The following ZNF417 variants were observed in gnomAD, a reference collection of about 807,000 sequenced individuals.
ZNF417 encodes the protein zinc finger protein 417.
A neutral mutation model predicts 7.4 loss-of-function variants in ZNF417; 5 were observed. The observed-to-expected ratio is 0.68, with a 90% CI of 0.35 to 1.43. The LOEUF is 1.43. ZNF417 is among the 40% of genes most tolerant of loss of function. The pLI, the probability that ZNF417 is intolerant of heterozygous loss-of-function variation, is 0.04. For synonymous variants in ZNF417, 147 were observed against 239.1 expected, an observed-to-expected ratio of 0.61 and a Z score of 3.55; for missense variants, 437 against 697.3, an observed-to-expected ratio of 0.63 and a Z score of 4.20.
intron 2 of ZNF417, among the ~76,000 whole-genome samples, chr19:57,911,272 C>A (rs1444345157): frequency 2.6e-5 from 4 of 152,162 alleles, no homozygotes; most frequent in Admixed American, 6.5e-5. Context: ...AGAACTAACA[C>A]GTGTGAAACT....
rs769636267 is a variant in ZNF417 at position 57,909,135 on chromosome 19, C to A, written c.1143G>T (p.Lys381Asn). 3.1e-6 allele frequency: 5 copies of A among 1,614,046 alleles called. No individual in the cohort carries two copies. In the South Asian group the frequency reaches 5.5e-5, roughly 18 times the overall value. Residue 381 changes from lysine (K) to asparagine (N), a missense_variant, in exon 3 of 3, where the codon AAG (lysine) becomes AAT (asparagine). Lys to Asn is a moderately conservative substitution (Grantham distance 94). Transcript: ENST00000312026. ...CAAAAGATTTTCCACATTCTCCACA[C>A]TTGTAAGGCCTTTCTCCAGTGTGAA... ...QRVHTGERPYKCGECGKSFGQ... is the reference protein window; with the variant it reads ...QRVHTGERPYNCGECGKSFGQ...
rs1432768865 is a variant in ZNF417, at chr19:57,906,337, G to A, written c.*2213C>T. 6.6e-6 allele frequency among the ~76,000 whole-genome samples: 1 copy of A among 152,090 alleles called. No homozygotes were observed. The highest frequency in any genetic ancestry group is 1.5e-5 in the Non-Finnish European group (1 of 68,028). On this transcript the variant is annotated 3_prime_UTR_variant, in exon 3 of 3. Coordinates refer to ENST00000312026, the MANE Select transcript of ZNF417 (RefSeq NM_152475.3). Reference sequence around the variant, plus strand: ...CCTGTATGTGCTTATATAACATGCTGTAATACAAGGTGACATTTAGGGGCT... The same window carrying A: ...CCTGTATGTGCTTATATAACATGCTATAATACAAGGTGACATTTAGGGGCT...
In ZNF417 at chr19:57,906,491, C is replaced by T. The variant is rs759007883; in HGVS notation, c.*2059G>A. Among the ~76,000 whole-genome samples, 21 of 151,796 alleles carry T rather than the reference C, an allele frequency of 1.4e-4. No individual in the cohort carries two copies. The highest frequency in any genetic ancestry group is 1.9e-4 in the East Asian group (1 of 5,130). ...GGATTTCTAGGGATAAGCCGAGTGC[C>T]GTGGCAGATGCCTGTAATCCCAGCA... On this transcript the variant is annotated 3_prime_UTR_variant, in exon 3 of 3. Transcript: ENST00000312026.
intron 1 of ZNF417, among the ~76,000 whole-genome samples, chr19:57,912,872 C>T (rs2122535198): frequency 6.6e-6 from 1 of 152,104 alleles, no homozygotes; most frequent in Admixed American, 6.6e-5. Context: ...GCCTTGGCCT[C>T]CAAAAGTGAG....
Position 57,909,382 on chromosome 19 carries a change from T to A in ZNF417, c.896A>T (p.Glu299Val). ...CTGACTAAAAGATTTCCCGCACTCCTCACAGGGATAAGCTGTCTTTCCAGT... is the reference window on the plus strand; with the variant it reads ...CTGACTAAAAGATTTCCCGCACTCCACACAGGGATAAGCTGTCTTTCCAGT... ...VHTGKTAYPC[E>V]ECGKSFSQKG... Residue 299 changes from glutamate to valine, a missense_variant, in exon 3 of 3, where the codon GAG becomes GTG. Transcript: ENST00000312026. 6.2e-7 allele frequency: 1 copy of A among 1,614,200 alleles called. No individual in the cohort carries two copies. Among genetic ancestry groups the A allele is most frequent in the South Asian group, 1.1e-5 (1 of 91,086 alleles).
rs989020785 is a variant in ZNF417, at chr19:57,907,935, TC to T, written c.*614del. 2.6e-5 allele frequency: 4 copies of T among 154,554 alleles called. No individual in the cohort carries two copies. Among genetic ancestry groups the T allele is most frequent in the Non-Finnish European group, 5.8e-5 (4 of 69,560 alleles). 9.6% of individuals were successfully genotyped at this position (154,554 alleles called of 1,614,324 possible). ...ACAAAAGCCTCAGAACACATAAATC[TC>T]AACGGGTACTGAGTAGAGGACTCGG... On this transcript the variant is annotated 3_prime_UTR_variant, in exon 3 of 3. Transcript: ENST00000312026.
In ZNF417 at chr19:57,909,066, T is replaced by C. The variant is rs774063993; in HGVS notation, c.1212A>G (p.Gly404=). 2 of 1,614,196 alleles carry C rather than the reference T, an allele frequency of 1.2e-6. No homozygotes were observed. The highest frequency in any genetic ancestry group is 1.7e-6 in the Non-Finnish European group (2 of 1,180,044). The part of the protein sequence containing the change: ...NLVQHQRGHT[G]ERPYECKECG... ...ATTCCTTGCACTCATAGGGCCTTTCTCCAGTATGACCTCGCTGATGTTGAA... is the reference window on the plus strand; with the variant it reads ...ATTCCTTGCACTCATAGGGCCTTTCCCCAGTATGACCTCGCTGATGTTGAA... The change falls in exon 3 of 3, where the codon GGA becomes GGG. Residue 404 remains glycine, a synonymous_variant. Transcript: ENST00000312026.
Position 57,916,506 on chromosome 19 carries a change from T to G in ZNF417, c.-95A>C. On this transcript the variant is annotated 5_prime_UTR_variant, in exon 1 of 3. Coordinates refer to ENST00000312026, the MANE Select transcript of ZNF417 (RefSeq NM_152475.3). ...CACCGAGGACGATTCCTCTCCACCT[T>G]CTAGGTTCAGTCACCGCGGTCCCCC... The G allele has an allele frequency of 1.9e-6, 3 of 1,601,886 alleles. No individual in the cohort carries two copies. The highest frequency in any genetic ancestry group is 2.6e-6 in the Non-Finnish European group (3 of 1,174,402).
rs758179522 is a variant in ZNF417 at position 57,909,323 on chromosome 19, T to C, written c.955A>G (p.Thr319Ala). 4 of 1,614,108 alleles carry C rather than the reference T, an allele frequency of 2.5e-6. No homozygotes were observed. Among genetic ancestry groups the C allele is most frequent in the East Asian group, 2.2e-5 (1 of 44,890 alleles). ...GSLISHQRVHTGERPYECREY... is the reference protein window; with the variant it reads ...GSLISHQRVHAGERPYECREY... ...CTACACTCATAAGGCCTTTCTCCAGTGTGAACACGCTGATGGCTAATAAGG... is the reference window on the plus strand; with the variant it reads ...CTACACTCATAAGGCCTTTCTCCAGCGTGAACACGCTGATGGCTAATAAGG... Residue 319 changes from threonine to alanine, a missense_variant, in exon 3 of 3, where the codon ACT becomes GCT. Around this residue, in one of 5 missense-constraint regions of ZNF417, gnomAD observed 53 missense variants for 91.9 expected, o/e 0.58. Coordinates refer to ENST00000312026, the MANE Select transcript of ZNF417 (RefSeq NM_152475.3).
rs1206699672 is a variant in ZNF417, at chr19:57,907,271, T to A, written c.*1279A>T. On this transcript the variant is annotated 3_prime_UTR_variant, in exon 3 of 3. Transcript: ENST00000312026. The stretch of plus-strand genomic sequence containing the variant: ...TTTTAACTCTTGTATCCATGAAGCA[T>A]CTTAGTAAAATAACAGATATTCCAT... 6.6e-6 allele frequency: 1 copy of A among 152,348 alleles called. No individual in the cohort carries two copies. Among genetic ancestry groups the A allele is most frequent in the South Asian group, 2.1e-4 (1 of 4,836 alleles). The allele number at this position is 152,348 out of a possible 1,614,324, so 9.4% of individuals were successfully genotyped here. A position where few individuals can be genotyped will look rare whatever the true frequency, so the allele number is the denominator to read the frequency against.
At position 57,912,208 on chromosome 19, in the gene ZNF417, A is replaced by G; in HGVS notation, c.34-19T>C. On this transcript the variant is annotated intron_variant, in intron 1 of 2. Transcript: ENST00000312026. ...TGCCCTGCTATGATAGTGACAGATG[A>G]AACCACAAACAGCCCCTCTGCTGAG... 1 of 1,612,134 alleles carries G rather than the reference A, an allele frequency of 6.2e-7. No homozygotes were observed. Among genetic ancestry groups the G allele is most frequent in the Non-Finnish European group, 8.5e-7 (1 of 1,179,404 alleles).
rs1304521376 is a variant in ZNF417 at position 57,916,389 on chromosome 19, C to T, written c.23G>A (p.Arg8His). 5.0e-6 allele frequency: 8 copies of T among 1,614,050 alleles called. No individual in the cohort carries two copies. Among genetic ancestry groups the T allele is most frequent in the Admixed American group, 3.3e-5 (2 of 60,016 alleles). ...AGGCGCCACAATTACCTGAGTCGGG[C>T]GCCTCGGCGCAGCCGCTGCCATCGG... MAAAAPR[R>H]PTQQGTVTFE... The change falls in exon 1 of 3, where the codon CGC becomes CAC. Residue 8 changes from arginine (R) to histidine (H), a missense_variant. By Grantham distance (29) the Arg-to-His change is conservative. Around this residue, in one of 5 missense-constraint regions of ZNF417, gnomAD observed 57 missense variants for 70.7 expected, o/e 0.81. Transcript: ENST00000312026.
In ZNF417 at chr19:57,916,370, C is replaced by T. The variant is rs774252982; in HGVS notation, c.33+9G>A. The T allele has an allele frequency of 9.3e-6, 15 of 1,614,200 alleles. No individual in the cohort carries two copies. In the Admixed American group the frequency reaches 2.2e-4, roughly 23 times the overall value. The stretch of plus-strand genomic sequence containing the variant: ...GGTGACCTGAGGGCACAGAAGGCGC[C>T]ACAATTACCTGAGTCGGGCGCCTCG... On this transcript the variant is annotated intron_variant, in intron 1 of 2. Coordinates refer to ENST00000312026, the MANE Select transcript of ZNF417 (RefSeq NM_152475.3).
rs1568528933 is a variant in ZNF417, at chr19:57,909,642, G to A, written c.636C>T (p.Tyr212=). 2 of 1,594,290 alleles carry A rather than the reference G, an allele frequency of 1.3e-6. No individual in the cohort carries two copies. Among genetic ancestry groups the A allele is most frequent in the East Asian group, 2.3e-5 (1 of 44,006 alleles). The part of the protein sequence containing the change: ...GPPFQEGKTN[Y]SCGKRTKAFS... Reference sequence around the variant, plus strand: ...AGGCTTTTGTGCGTTTTCCACAACTGTAATTAGTTTTTCCCTCCTGAAAGG... The same window carrying A: ...AGGCTTTTGTGCGTTTTCCACAACTATAATTAGTTTTTCCCTCCTGAAAGG... The change falls in exon 3 of 3, where the codon TAC becomes TAT. Residue 212 remains tyrosine (Y), a synonymous_variant. Transcript: ENST00000312026.
chr19:57,915,058 A>G (rs1429013745), intron 1 of ZNF417, among the ~76,000 whole-genome samples: 2 of 152,102 alleles, frequency 1.3e-5, no homozygotes. Context: ...CATTACAAAC[A>G]TGTCACGGGA....
At position 57,908,563 on chromosome 19, in the gene ZNF417, C is replaced by T. The variant is rs201682579; in HGVS notation, c.1715G>A (p.Arg572Lys). Residue 572 changes from arginine (R) to lysine (K), a missense_variant, in exon 3 of 3, where the codon AGA becomes AAA. Arg to Lys is a conservative substitution (Grantham distance 26). Coordinates refer to ENST00000312026, the MANE Select transcript of ZNF417 (RefSeq NM_152475.3). ...TLLHHQSSHR[R>K]KAL Reference sequence around the variant, plus strand: ...TATTCACTGCACTCATAAGGCCTTTCTCCTGTGTGAACTCTGATGATGAAG... The same window carrying T: ...TATTCACTGCACTCATAAGGCCTTTTTCCTGTGTGAACTCTGATGATGAAG... 7.4e-6 allele frequency: 12 copies of T among 1,614,156 alleles called. No individual in the cohort carries two copies. In the East Asian group the frequency reaches 1.1e-4, roughly 15 times the overall value.
chr19:57,905,853 T>A lies in ZNF417; in HGVS notation c.*2697A>T, dbSNP rs866797403. ...TAAGTTGCATACAAGCAGGAAGATTTAACTTCATAAGAGAATTAACAAAAG... is the reference window on the plus strand; with the variant it reads ...TAAGTTGCATACAAGCAGGAAGATTAAACTTCATAAGAGAATTAACAAAAG... On this transcript the variant is annotated 3_prime_UTR_variant, in exon 3 of 3. Coordinates refer to ENST00000312026, the MANE Select transcript of ZNF417 (RefSeq NM_152475.3). 2.1e-4 allele frequency among the ~76,000 whole-genome samples: 32 copies of A among 152,350 alleles called. No homozygotes were observed. The highest frequency in any genetic ancestry group is 6.7e-4 in the African/African-American group (28 of 41,586).
At chr19:57,914,519 G>GAAAACCT (rs1244752049) in intron 1 of ZNF417, among the ~76,000 whole-genome samples, 1 of 99,394 alleles carries the variant, frequency 1.0e-5, no homozygotes, top group African/African-American at 3.6e-5. Context: ...AAGACAGAAA[G>GAAAACCT]AAAACCTAGC....
chr19:57,908,411 A>G lies in ZNF417; in HGVS notation c.*139T>C. Reference sequence around the variant, plus strand: ...AGAATGAGACTCCGTTCCAATGCGAAGTCTCTTAAGACCAAGGAGAGCAGA... The same window carrying G: ...AGAATGAGACTCCGTTCCAATGCGAGGTCTCTTAAGACCAAGGAGAGCAGA... On this transcript the variant is annotated 3_prime_UTR_variant, in exon 3 of 3. Transcript: ENST00000312026. 3.4e-6 allele frequency: 5 copies of G among 1,478,442 alleles called. No individual in the cohort carries two copies. The African/African-American group carries it at 5.6e-5, about 17-fold the overall frequency. 91.6% of individuals were successfully genotyped at this position (1,478,442 alleles called of 1,614,324 possible).
Sources: gnomAD v4.1 joint callset for allele counts (sites outside exome capture counted in the v4.1 genomes callset) on GRCh38, gnomAD v4.1.1 for gene constraint, gnomAD v4.1.1 regional missense constraint, MANE v1.5 for transcripts, NCBI Gene and HGNC (gene_info 2026-07-23, HGNC 2026-07-21) for gene names.